SLC24A1: variants seen among roughly 807,000 people sequenced by gnomAD.
SLC24A1 encodes the protein solute carrier family 24 member 1, also known as sodium/potassium/calcium exchanger 1.
Under a neutral mutation model 88.1 loss-of-function variants are expected in SLC24A1, and 52 were observed. That is an observed-to-expected ratio of 0.59 (90% confidence interval 0.47 to 0.74). SLC24A1 has a LOEUF of 0.74. Among genes scored for constraint, SLC24A1 ranks in the 30% least tolerant of loss-of-function variants. The pLI is 0.00. For synonymous variants in SLC24A1, 455 were observed against 498.0 expected, an observed-to-expected ratio of 0.91 and a Z score of 1.15; for missense variants, 1,173 against 1,363.3, an observed-to-expected ratio of 0.86 and a Z score of 2.20.
At position 65,650,677 on chromosome 15, in the gene SLC24A1, A is replaced by G; in HGVS notation, c.2528A>G (p.Asn843Ser). Reference sequence around the variant, plus strand: ...GCTGAAAATCACGGTGAAGCCAAAAATGATGAGAAAGGTGTAGAAGATGGA... The same window carrying G: ...GCTGAAAATCACGGTGAAGCCAAAAGTGATGAGAAAGGTGTAGAAGATGGA... ...LSAENHGEAK[N>S]DEKGVEDGGG... The change falls in exon 7 of 10, where the codon AAT becomes AGT. Residue 843 changes from asparagine (N) to serine (S), a missense_variant. Transcript: ENST00000261892. The surrounding 1 kb of genome is among the most constrained non-coding windows in gnomAD (Gnocchi z 4.1). The G allele has an allele frequency of 1.3e-6, 2 of 1,547,222 alleles. No individual in the cohort carries two copies. Among genetic ancestry groups the G allele is most frequent in the Non-Finnish European group, 1.7e-6 (2 of 1,143,948 alleles).
Position 65,650,789 on chromosome 15 carries a change from AGAGGAGGAG to A in SLC24A1, c.2652_2660del (p.Glu888_Glu890del), listed in dbSNP as rs763504735. On this transcript the variant is annotated inframe_deletion, in exon 7 of 10. Transcript: ENST00000261892. The surrounding 1 kb of genome is among the most constrained non-coding windows in gnomAD (Gnocchi z 4.1). ...AGGAGGAGGAGGAAGAGCAGGAGGA[AGAGGAGGAG>A]GAGGAGGAGGAAGAGGAGGAGAAGG... 2 of 1,608,678 alleles carry A rather than the reference AGAGGAGGAG, an allele frequency of 1.2e-6. No individual in the cohort carries two copies. The highest frequency in any genetic ancestry group is 2.7e-5 in the African/African-American group (2 of 74,426).
intron 6 of SLC24A1, among the ~76,000 whole-genome samples, chr15:65,647,290 C>T (rs531319623): frequency 4.0e-4 from 61 of 151,882 alleles, no homozygotes; most frequent in Middle Eastern, 3.4e-3. Context: ...CCAGCCTGGC[C>T]AACATGGTGA....
rs1237705482 is a variant in SLC24A1, at chr15:65,652,704, A to C, written c.2946A>C (p.Thr982=). The change falls in exon 9 of 10, where the codon ACA becomes ACC. Residue 982 remains threonine, a synonymous_variant. Transcript: ENST00000261892. ...GCCTGACAATCCTTGCAGCAGGCAC[A>C]TCAATTCCTGACCTCATCACCAGTG... The part of the protein sequence containing the change: ...IMGLTILAAG[T]SIPDLITSVI... The C allele has an allele frequency of 3.1e-6, 5 of 1,614,000 alleles. No individual in the cohort carries two copies. Among genetic ancestry groups the C allele is most frequent in the Non-Finnish European group, 4.2e-6 (5 of 1,179,872 alleles).
At chr15:65,620,152 C>G (rs538315470), upstream of SLC24A1, among the ~76,000 whole-genome samples, 1 of 151,464 alleles carries the variant, frequency 6.6e-6, no homozygotes, top group East Asian at 1.9e-4. Context: ...TCATTGCTTG[C>G]CAAGCACTGT....
At chr15:65,653,029 C>T in intron 9 of SLC24A1, 1 of 382,352 alleles carries the variant, frequency 2.6e-6, no homozygotes, top group East Asian at 4.1e-5. Flanking sequence ...CTGGAATTTA[C>T]AGATAAATTG....
chr15:65,647,998 C>T (rs113390684), intron 6 of SLC24A1, among the ~76,000 whole-genome samples: 9,546 of 152,208 alleles, frequency 0.063, 311 homozygotes, highest in African/African-American at 0.091. Flanking sequence ...CGGTGGCTCA[C>T]GCCTGTAATC....
chr15:65,655,541 T>C lies in SLC24A1; in HGVS notation c.*1462T>C. On this transcript the variant is annotated 3_prime_UTR_variant, in exon 10 of 10. Coordinates refer to ENST00000261892, the MANE Select transcript of SLC24A1 (RefSeq NM_004727.3). ...CCACTGCTTGCTGCTTTTACTAGAA[T>C]CAAGTTAAGGGACACGTTAGAAATA... 1.0e-6 allele frequency: 1 copy of C among 985,430 alleles called. No individual in the cohort carries two copies. Among genetic ancestry groups the C allele is most frequent in the South Asian group, 4.7e-5 (1 of 21,286 alleles). The allele number at this position is 985,430 out of a possible 1,614,324, so 61.0% of individuals were successfully genotyped here. A position where few individuals can be genotyped will look rare whatever the true frequency, so the allele number is the denominator to read the frequency against.
At chr15:65,642,661 C>T (rs1031237266) in intron 4 of SLC24A1, among the ~76,000 whole-genome samples, 2 of 152,202 alleles carry the variant, frequency 1.3e-5, no homozygotes, top group Non-Finnish European at 2.9e-5. Context: ...GTTGGCCCCC[C>T]ACCTCTCAGT....
Position 65,650,305 on chromosome 15 carries a change from CA to C in SLC24A1, c.2233-70del. The C allele has an allele frequency of 1.1e-5, 14 of 1,271,734 alleles. No homozygotes were observed. Among genetic ancestry groups the C allele is most frequent in the South Asian group, 1.5e-5 (1 of 68,116 alleles). 78.8% of individuals were successfully genotyped at this position (1,271,734 alleles called of 1,614,324 possible). ...AGATACCTTCTGAGAAGCACGCCAA[CA>C]AAAAAATGGGGGAGTAACATAAGGA... On this transcript the variant is annotated intron_variant, in intron 6 of 9. Transcript: ENST00000261892. This position sits in a 1 kb window ranked among gnomAD's most constrained non-coding sequence, Gnocchi z 4.1.
At chr15:65,613,755 G>A (rs1008748114) in intron 2 of SLC24A1, among the ~76,000 whole-genome samples, 3 of 152,044 alleles carry the variant, frequency 2.0e-5, no homozygotes, top group African/African-American at 7.2e-5. Flanking sequence ...CAAAGTGCCA[G>A]GATTACAGGC....
chr15:65,659,816 T>C (rs1177968207), downstream of SLC24A1: 1 of 153,528 alleles, frequency 6.5e-6, no homozygotes, highest in Non-Finnish European at 1.5e-5. Context: ...GAGGTAAAAA[T>C]TACATTCGCT....
At chr15:65,615,872 T>TC (rs1243240712) in intron 2 of SLC24A1, among the ~76,000 whole-genome samples, 33 of 94,596 alleles carry the variant, frequency 3.5e-4, no homozygotes, top group African/African-American at 1.6e-3. Context: ...ATGCTATCCC[T>TC]CCCCCACCCC....
intron 2 of SLC24A1, among the ~76,000 whole-genome samples, chr15:65,633,160 A>G (rs1409162803): frequency 6.6e-6 from 1 of 152,176 alleles, no homozygotes; most frequent in African/African-American, 2.4e-5. Flanking sequence ...ATGAGAGGGC[A>G]ATAAGAGACT....
At chr15:65,618,644 G>T (rs985387977), upstream of SLC24A1, among the ~76,000 whole-genome samples, 1 of 152,150 alleles carries the variant, frequency 6.6e-6, no homozygotes, top group African/African-American at 2.4e-5. Flanking sequence ...CGGTATCTTC[G>T]ATGGCACTGG....
chr15:65,627,359 A>G (rs757484199), intron 2 of SLC24A1, among the ~76,000 whole-genome samples: 2 of 152,184 alleles, frequency 1.3e-5, no homozygotes, highest in African/African-American at 2.4e-5. Flanking sequence ...TCAGGACCCA[A>G]TGCAATGGTT....
chr15:65,635,669 T>A (rs1191572800), intron 2 of SLC24A1, among the ~76,000 whole-genome samples: 1 of 152,130 alleles, frequency 6.6e-6, no homozygotes, highest in Non-Finnish European at 1.5e-5. Flanking sequence ...TTTCATTCAT[T>A]TTTATGTTCA....
chr15:65,615,871 CT>C (rs869111315), intron 2 of SLC24A1, among the ~76,000 whole-genome samples: 60 of 124,696 alleles, frequency 4.8e-4, no homozygotes, highest in African/African-American at 2.1e-3. Flanking sequence ...AATGCTATCC[CT>C]CCCCCACCCC....
In SLC24A1 at chr15:65,654,692, A is replaced by T; in HGVS notation, c.*613A>T. 5 of 1,272,956 alleles carry T rather than the reference A, an allele frequency of 3.9e-6. No individual in the cohort carries two copies. The highest frequency in any genetic ancestry group is 5.1e-6 in the Non-Finnish European group (5 of 982,130). The allele number at this position is 1,272,956 out of a possible 1,614,324, so 78.9% of individuals were successfully genotyped here. A position where few individuals can be genotyped will look rare whatever the true frequency, so the allele number is the denominator to read the frequency against. On this transcript the variant is annotated 3_prime_UTR_variant, in exon 10 of 10. Transcript: ENST00000261892. ...GTTTTGTAGCCCACTGCATCTGGAT[A>T]TATACCAGTATTTTCTTTTTTTTTT...
At position 65,625,925 on chromosome 15, in the gene SLC24A1, C is replaced by CA. The variant is rs1566949529; in HGVS notation, c.1846dup (p.Arg616LysfsTer25). ...AGGTCTGGGTGAAGGAGCAGCTCAG[C>CA]AGGAGGCCAGTGGCCAAGGTCATGG... On this transcript the variant is annotated frameshift_variant, in exon 2 of 10. Transcript: ENST00000261892. LOFTEE classifies it high-confidence loss of function. 2 of 1,613,992 alleles carry CA rather than the reference C, an allele frequency of 1.2e-6. No individual in the cohort carries two copies. Among genetic ancestry groups the CA allele is most frequent in the Non-Finnish European group, 8.5e-7 (1 of 1,179,884 alleles).
Sources: gnomAD v4.1 joint callset for allele counts (sites outside exome capture counted in the v4.1 genomes callset) on GRCh38, gnomAD v4.1.1 for gene constraint, Gnocchi (gnomAD v3.1) non-coding constraint, MANE v1.5 for transcripts, NCBI Gene and HGNC (gene_info 2026-07-23, HGNC 2026-07-21) for gene names.